The following TTLL11 variants were observed in gnomAD, a reference collection of about 807,000 sequenced individuals.
The protein encoded by TTLL11 is tubulin polyglutamylase TTLL11.
Under a neutral mutation model 51.7 loss-of-function variants are expected in TTLL11, and 42 were observed. That is an observed-to-expected ratio of 0.81 (90% CI 0.64 to 1.05). TTLL11 has a LOEUF of 1.05. Ranked by LOEUF, TTLL11 falls within the 50% of genes least tolerant of loss-of-function variation. The probability of loss-of-function intolerance (pLI) is 0.00; values close to 1 mark genes in which losing one functional copy is unlikely to be tolerated. For synonymous variants in TTLL11, 381 were observed against 383.5 expected, an observed-to-expected ratio of 0.99 and a Z score of 0.08; for missense variants, 799 against 940.4, an observed-to-expected ratio of 0.85 and a Z score of 1.97.
At chr9:122,068,399 C>T (rs1195297194) in intron 1 of TTLL11, among the ~76,000 whole-genome samples, 1 of 152,036 alleles carries the variant, frequency 6.6e-6, no homozygotes. Context: ...TTATCACGTG[C>T]ATGTTATTAA....
intron 1 of TTLL11, among the ~76,000 whole-genome samples, chr9:122,074,984 GTCCCTTTAAATTTTTTTAAAAA>G (rs1462682704): frequency 6.6e-6 from 1 of 151,882 alleles, no homozygotes; most frequent in Non-Finnish European, 1.5e-5. Context: ...TGATTGATGA[GTCCCTTTAAATTTTTTTAAAAA>G]TCCCTCATTG....
intron 3 of TTLL11, among the ~76,000 whole-genome samples, chr9:122,005,118 C>G (rs927796734): frequency 2.6e-5 from 4 of 152,182 alleles, no homozygotes; most frequent in African/African-American, 9.7e-5. Context: ...AAAGAGCAGT[C>G]CTGTCATGTG....
chr9:121,885,433 A>G (rs188877579), intron 6 of TTLL11: 8 of 152,356 alleles, frequency 5.3e-5, no homozygotes, highest in Non-Finnish European at 1.0e-4. Context: ...TTAACCACAA[A>G]GGCTGTGGGG....
At chr9:122,007,685 A>C (rs1843695900) in intron 3 of TTLL11, among the ~76,000 whole-genome samples, 1 of 152,188 alleles carries the variant, frequency 6.6e-6, no homozygotes, top group African/African-American at 2.4e-5. Flanking sequence ...CTTTTAGTAG[A>C]AACTCAGCTA....
At chr9:121,943,201 G>A (rs998985172) in intron 6 of TTLL11, among the ~76,000 whole-genome samples, 1 of 152,200 alleles carries the variant, frequency 6.6e-6, no homozygotes. Context: ...CATAACAGCA[G>A]TCAATTTAGG....
chr9:122,033,568 C>T (rs1226004163), intron 2 of TTLL11, among the ~76,000 whole-genome samples: 1 of 152,204 alleles, frequency 6.6e-6, no homozygotes, highest in Non-Finnish European at 1.5e-5. Flanking sequence ...GTCAGCTTGG[C>T]ATGCCCAAAT....
chr9:121,923,656 AG>A (rs61407889), intron 6 of TTLL11, among the ~76,000 whole-genome samples: 55,815 of 151,944 alleles, frequency 0.37, 10,626 homozygotes, highest in East Asian at 0.57. Flanking sequence ...GGTAAGAGTA[AG>A]TGGCTTGCTC....
At chr9:121,969,543 A>G (rs1842500068) in intron 6 of TTLL11, among the ~76,000 whole-genome samples, 1 of 152,082 alleles carries the variant, frequency 6.6e-6, no homozygotes, top group Admixed American at 6.5e-5. Context: ...TCTACTTTTT[A>G]TCTTTAGTCT....
At chr9:122,034,405 A>G (rs1221990129) in intron 2 of TTLL11, among the ~76,000 whole-genome samples, 3 of 152,220 alleles carry the variant, frequency 2.0e-5, no homozygotes, top group African/African-American at 7.2e-5. Context: ...GTCTCCAGGC[A>G]GTTTTTCTAC....
At chr9:122,080,400 T>C (rs1404847581) in intron 1 of TTLL11, among the ~76,000 whole-genome samples, 2 of 152,120 alleles carry the variant, frequency 1.3e-5, no homozygotes, top group Non-Finnish European at 2.9e-5. Context: ...TAATATGAAA[T>C]ATGCTGGGTG....
intron 2 of TTLL11, among the ~76,000 whole-genome samples, chr9:122,032,291 T>C (rs550805039): frequency 1.3e-5 from 2 of 152,208 alleles, no homozygotes; most frequent in Non-Finnish European, 2.9e-5. Flanking sequence ...GGTTACATTA[T>C]GAGAGGCTTA....
At chr9:122,071,611 G>A (rs556005973) in intron 1 of TTLL11, among the ~76,000 whole-genome samples, 1 of 152,118 alleles carries the variant, frequency 6.6e-6, no homozygotes, top group Non-Finnish European at 1.5e-5. Context: ...CCCCAGCCCA[G>A]CCCCTAGGTG....
At chr9:121,976,651 T>C (rs778230279) in intron 4 of TTLL11, among the ~76,000 whole-genome samples, 4 of 152,212 alleles carry the variant, frequency 2.6e-5, no homozygotes, top group African/African-American at 4.8e-5. Flanking sequence ...ATGATAATTA[T>C]TAAACTGTAG....
chr9:122,013,256 C>A (rs1256687077), intron 3 of TTLL11, among the ~76,000 whole-genome samples: 3 of 152,168 alleles, frequency 2.0e-5, no homozygotes, highest in Non-Finnish European at 4.4e-5. Context: ...TGGAACACTG[C>A]AAATAGCATA....
chr9:121,893,000 C>T (rs1169529398), intron 6 of TTLL11, among the ~76,000 whole-genome samples: 1 of 152,160 alleles, frequency 6.6e-6, no homozygotes, highest in Non-Finnish European at 1.5e-5. Flanking sequence ...CAGACTAATT[C>T]ACAACCTATG....
intron 6 of TTLL11, among the ~76,000 whole-genome samples, chr9:121,878,391 C>T (rs960087029): frequency 2.6e-4 from 39 of 152,152 alleles, no homozygotes; most frequent in African/African-American, 8.5e-4. Flanking sequence ...CTTTACATTC[C>T]GGGCTCCCAA....
intron 3 of TTLL11, among the ~76,000 whole-genome samples, chr9:122,016,700 A>T (rs1421549935): frequency 1.3e-5 from 2 of 152,206 alleles, no homozygotes; most frequent in Non-Finnish European, 1.5e-5. Context: ...AAAATGGAAG[A>T]ATCTCATGCT....
intron 1 of TTLL11, among the ~76,000 whole-genome samples, chr9:122,077,372 A>G (rs1845889939): frequency 6.6e-6 from 1 of 152,212 alleles, no homozygotes; most frequent in Admixed American, 6.5e-5. Flanking sequence ...AAGCATACTA[A>G]AGATCCTTGC....
intron 3 of TTLL11, among the ~76,000 whole-genome samples, chr9:122,000,624 A>C (rs1168973823): frequency 6.6e-6 from 1 of 152,152 alleles, no homozygotes; most frequent in African/African-American, 2.4e-5. Flanking sequence ...ACAGTTTACA[A>C]ATGGCATGGC....
Sources: gnomAD v4.1 joint callset for allele counts (sites outside exome capture counted in the v4.1 genomes callset) on GRCh38, gnomAD v4.1.1 for gene constraint, MANE v1.5 for transcripts, NCBI Gene and HGNC (gene_info 2026-07-23, HGNC 2026-07-21) for gene names.